KCNQ4: variants seen among roughly 807,000 people sequenced by gnomAD.
KCNQ4 encodes potassium voltage-gated channel subfamily KQT member 4.
Under a neutral mutation model 72.6 loss-of-function variants are expected in KCNQ4, and 31 were observed. The ratio of observed to expected loss-of-function variants is 0.43; its 90% confidence interval spans 0.32 to 0.58. The LOEUF (loss-of-function observed/expected upper bound fraction) is 0.58. KCNQ4 is among the 20% of genes least tolerant of loss of function. The pLI is 0.08. For synonymous variants in KCNQ4, 405 were observed against 403.7 expected (o/e 1.00, Z -0.04); for missense variants, 869 against 962.6 (o/e 0.90, Z 1.29).
chr1:40,793,004 CTTT>C lies in KCNQ4; in HGVS notation c.314+8615_314+8617del, dbSNP rs10549805. 6.2e-3 allele frequency among the ~76,000 whole-genome samples: 676 copies of C among 109,054 alleles called. 6 individuals are homozygous for C. The highest frequency in any genetic ancestry group is 0.024 in the African/African-American group (647 of 26,702). The allele number at this position is 109,054 out of a possible 152,430, so 71.5% of individuals were successfully genotyped here. A position where few individuals can be genotyped will look rare whatever the true frequency, so the allele number is the denominator to read the frequency against. On this transcript the variant is annotated intron_variant, in intron 1 of 13. Coordinates refer to ENST00000347132, the MANE Select transcript of KCNQ4 (RefSeq NM_004700.4). Reference sequence around the variant, plus strand: ...CTTCTTTCTTTTCTTTTCTTTCTTTCTTTTTTTTTTTTTTTTTTTTGAAGCAGG... The same window carrying C: ...CTTCTTTCTTTTCTTTTCTTTCTTTCTTTTTTTTTTTTTTTTTGAAGCAGG...
chr1:40,809,785 C>T (rs191172048), intron 1 of KCNQ4, among the ~76,000 whole-genome samples: 309 of 152,316 alleles, frequency 2.0e-3, no homozygotes, highest in Non-Finnish European at 3.6e-3. Context: ...CCACAATTGG[C>T]CAGGTGCGGT....
chr1:40,836,066 A>C (rs1648798441), intron 12 of KCNQ4, among the ~76,000 whole-genome samples: 1 of 151,966 alleles, frequency 6.6e-6, no homozygotes, highest in East Asian at 1.9e-4. Context: ...TTGTCTTTTA[A>C]AAGGATCACC....
At chr1:40,837,990 C>G (rs1383195985) in intron 13 of KCNQ4, among the ~76,000 whole-genome samples, 196 bp downstream of exon 13, 2 of 152,010 alleles carry the variant, frequency 1.3e-5, no homozygotes, top group Middle Eastern at 3.4e-3. Flanking sequence ...AAGCCCCGCC[C>G]CCAGGCTGCA....
intron 9 of KCNQ4, among the ~76,000 whole-genome samples, chr1:40,828,806 T>A (rs1185366294): frequency 6.6e-6 from 1 of 152,228 alleles, no homozygotes; most frequent in Non-Finnish European, 1.5e-5. Context: ...GAGGAGCTGA[T>A]ATGAGCCATT....
intron 1 of KCNQ4, among the ~76,000 whole-genome samples, chr1:40,796,036 G>A (rs904344006): frequency 7.9e-5 from 12 of 152,220 alleles, no homozygotes; most frequent in African/African-American, 2.7e-4. Context: ...CACACAGCCA[G>A]GAAGTGGTGA....
chr1:40,785,343 G>A (rs892496024), intron 1 of KCNQ4, among the ~76,000 whole-genome samples: 3 of 152,202 alleles, frequency 2.0e-5, no homozygotes, highest in African/African-American at 7.2e-5. Context: ...TTGAAGGGCT[G>A]GGCCTGACGC....
chr1:40,786,997 G>A (rs1348624729), intron 1 of KCNQ4, among the ~76,000 whole-genome samples: 2 of 152,146 alleles, frequency 1.3e-5, no homozygotes, highest in African/African-American at 4.8e-5. Flanking sequence ...CTCAGTGGCA[G>A]CCCAAGTGAG....
chr1:40,822,986 C>T (rs569061819), intron 8 of KCNQ4, among the ~76,000 whole-genome samples: 23 of 152,320 alleles, frequency 1.5e-4, no homozygotes, highest in African/African-American at 5.5e-4. Flanking sequence ...CACAAAGGTG[C>T]GTGTGGCCAG....
intron 9 of KCNQ4, 22 bp from the exon 10 acceptor site, chr1:40,831,062 C>T (rs776433358): frequency 1.4e-5 from 22 of 1,558,694 alleles, no homozygotes; most frequent in African/African-American, 2.7e-5. Flanking sequence ...TTGGCTCTCT[C>T]CCAACCTGCC....
chr1:40,824,064 C>T (rs1343881281), intron 8 of KCNQ4, 33 bp from the exon 9 acceptor site: 2 of 1,548,858 alleles, frequency 1.3e-6, no homozygotes, highest in African/African-American at 1.4e-5. Flanking sequence ...GTGCCATGGC[C>T]CTGCCTGCCA....
intron 9 of KCNQ4, among the ~76,000 whole-genome samples, chr1:40,824,956 T>C (rs1000778495): frequency 1.1e-4 from 16 of 152,238 alleles, no homozygotes; most frequent in African/African-American, 3.9e-4. Context: ...CTGTCTCTCC[T>C]GAAGCTTTTT....
At chr1:40,809,649 C>T (rs1415502687) in intron 1 of KCNQ4, among the ~76,000 whole-genome samples, 4 of 152,206 alleles carry the variant, frequency 2.6e-5, no homozygotes, top group South Asian at 2.1e-4. Context: ...AGTCATCTGT[C>T]GTCTGAGCTA....
Position 40,822,408 on chromosome 1 carries a change from T to C in KCNQ4, c.1130+6T>C. On this transcript the variant is annotated splice_donor_region_variant and intron_variant, in intron 8 of 13. Transcript: ENST00000347132. ...AGTATCCTCCCATCCTTCAGGTAGG[T>C]CCTGCTGGGGGTGGGGGTGGGTGGG... The C allele has an allele frequency of 1.8e-6, 1 of 566,088 alleles. No homozygotes were observed. The highest frequency in any genetic ancestry group is 6.0e-5 in the East Asian group (1 of 16,664). The allele number at this position is 566,088 out of a possible 1,614,324, so 35.1% of individuals were successfully genotyped here. A position where few individuals can be genotyped will look rare whatever the true frequency, so the allele number is the denominator to read the frequency against.
At chr1:40,789,766 T>C (rs2148833338) in intron 1 of KCNQ4, among the ~76,000 whole-genome samples, 1 of 152,302 alleles carries the variant, frequency 6.6e-6, no homozygotes, top group South Asian at 2.1e-4. Context: ...AAGAGGTGGT[T>C]ATTATTCTTG....
rs375310994 is a variant in KCNQ4 at position 40,833,024 on chromosome 1, A to G, written c.1524A>G (p.Ser508=). The change falls in exon 11 of 14, where the codon TCA becomes TCG. Residue 508 remains serine (S), a synonymous_variant. Coordinates refer to ENST00000347132, the MANE Select transcript of KCNQ4 (RefSeq NM_004700.4). ...KPRTSAEDAP[S]EEVAEEKSYQ... ...TACCTGCCTTTTCAGATGCCCCCTC[A>G]GAGGAAGTAGCAGAGGAGAAGAGCT... 26 of 1,612,884 alleles carry G rather than the reference A, an allele frequency of 1.6e-5. No homozygotes were observed. The African/African-American group carries it at 3.3e-4, about 21-fold the overall frequency.
intron 12 of KCNQ4, among the ~76,000 whole-genome samples, chr1:40,836,252 G>A (rs1648803237): frequency 1.3e-5 from 2 of 152,168 alleles, no homozygotes; most frequent in Non-Finnish European, 2.9e-5. Flanking sequence ...AGTTGACAGG[G>A]TTTTCTGATG....
intron 9 of KCNQ4, among the ~76,000 whole-genome samples, chr1:40,827,363 G>A (rs1648512136): frequency 6.6e-6 from 1 of 152,202 alleles, no homozygotes; most frequent in South Asian, 2.1e-4. Context: ...AGCCCTAAAA[G>A]CAGTGGGTTT....
chr1:40,823,688 A>C (rs1413710920), intron 8 of KCNQ4, among the ~76,000 whole-genome samples: 1 of 152,170 alleles, frequency 6.6e-6, no homozygotes, highest in African/African-American at 2.4e-5. Context: ...AGGGGAAGGA[A>C]GCTGGGCTAG....
At chr1:40,802,350 C>A (rs1647604826) in intron 1 of KCNQ4, among the ~76,000 whole-genome samples, 1 of 152,162 alleles carries the variant, frequency 6.6e-6, no homozygotes, top group Non-Finnish European at 1.5e-5. Context: ...GCTCGCCTTT[C>A]AGGCCGCCGC....
Sources: gnomAD v4.1 joint callset for allele counts (sites outside exome capture counted in the v4.1 genomes callset) on GRCh38, gnomAD v4.1.1 for gene constraint, MANE v1.5 for transcripts, NCBI Gene and HGNC (gene_info 2026-07-23, HGNC 2026-07-21) for gene names.